The following EIF3H variants were observed in gnomAD, a reference collection of about 807,000 sequenced individuals.
EIF3H encodes the protein eukaryotic translation initiation factor 3 subunit H, also known as eIF-3-gamma.
In EIF3H, 26 loss-of-function variants were observed where a neutral mutation model predicts 44.2. The ratio of observed to expected loss-of-function variants is 0.59; its 90% CI spans 0.43 to 0.82. The LOEUF (loss-of-function observed/expected upper bound fraction) is 0.82, where lower values mean the gene tolerates loss of function less well. EIF3H is among the 40% of genes least tolerant of loss of function. The pLI is 0.00. For missense variants in EIF3H, 359 were observed against 432.8 expected (o/e 0.83, Z 1.51); for synonymous variants, 166 against 151.9 (o/e 1.09, Z -0.68).
intron 1 of EIF3H, among the ~76,000 whole-genome samples, chr8:116,749,112 G>A (rs1815286483): frequency 6.6e-6 from 1 of 152,000 alleles, no homozygotes; most frequent in African/African-American, 2.4e-5. Flanking sequence ...AACTTAAAGG[G>A]GAAAACAAAA....
At chr8:116,741,997 T>C (rs1453917976) in intron 1 of EIF3H, among the ~76,000 whole-genome samples, 1 of 152,190 alleles carries the variant, frequency 6.6e-6, no homozygotes, top group East Asian at 1.9e-4. Flanking sequence ...TAGGGTTCCA[T>C]TTCATAACTG....
chr8:116,730,486 A>G (rs1435187807), intron 1 of EIF3H, among the ~76,000 whole-genome samples: 1 of 152,232 alleles, frequency 6.6e-6, no homozygotes, highest in Admixed American at 6.5e-5. Flanking sequence ...TCACGAAACC[A>G]GTCCCTGGTG....
At chr8:116,726,196 G>A in intron 1 of EIF3H, 24 bp from the exon 2 acceptor site, 2 of 1,588,922 alleles carry the variant, frequency 1.3e-6, no homozygotes, top group Non-Finnish European at 1.7e-6. Context: ...ACACAGAAGG[G>A]AGCTTAACAA....
intron 2 of EIF3H, among the ~76,000 whole-genome samples, chr8:116,696,005 G>A (rs776025993): frequency 8.5e-5 from 13 of 152,202 alleles, no homozygotes; most frequent in Non-Finnish European, 1.8e-4. Context: ...AGATGTAAAT[G>A]TGTTTATCTG....
At chr8:116,721,521 C>A (rs1814746346) in intron 2 of EIF3H, among the ~76,000 whole-genome samples, 1 of 152,172 alleles carries the variant, frequency 6.6e-6, no homozygotes, top group Non-Finnish European at 1.5e-5. Flanking sequence ...TCCTCCAGAC[C>A]CCAGAATGGT....
At chr8:116,681,275 A>C (rs1344532499) in intron 2 of EIF3H, among the ~76,000 whole-genome samples, 1 of 152,142 alleles carries the variant, frequency 6.6e-6, no homozygotes, top group African/African-American at 2.4e-5. Context: ...AGGCACGAGA[A>C]TCACTTGAAC....
intron 1 of EIF3H, among the ~76,000 whole-genome samples, chr8:116,747,599 G>A (rs552603764): frequency 7.9e-4 from 120 of 152,240 alleles, no homozygotes; most frequent in African/African-American, 2.2e-3. Flanking sequence ...GGAAGAAGAG[G>A]CCAAGGGTCA....
At chr8:116,720,353 T>C (rs1814724318) in intron 2 of EIF3H, among the ~76,000 whole-genome samples, 1 of 152,228 alleles carries the variant, frequency 6.6e-6, no homozygotes, top group Non-Finnish European at 1.5e-5. Flanking sequence ...TTAACATGCA[T>C]GTTCATGCTC....
chr8:116,727,018 A>G (rs894823986), intron 1 of EIF3H, among the ~76,000 whole-genome samples: 2 of 152,240 alleles, frequency 1.3e-5, no homozygotes, highest in African/African-American at 4.8e-5. Context: ...CAAAATTGTA[A>G]TGTAAAGTTC....
chr8:116,689,205 T>G (rs1180463520), intron 2 of EIF3H: 3 of 371,884 alleles, frequency 8.1e-6, no homozygotes, highest in Non-Finnish European at 1.7e-5. Flanking sequence ...TAATTCCACT[T>G]ACATGAGTTA....
At chr8:116,664,966 T>C (rs1452349524) in intron 2 of EIF3H, among the ~76,000 whole-genome samples, 1 of 152,168 alleles carries the variant, frequency 6.6e-6, no homozygotes, top group African/African-American at 2.4e-5. Context: ...TGCTAAGTGT[T>C]CCACATATGT....
At chr8:116,649,843 C>A (rs1813360491) in intron 5 of EIF3H, among the ~76,000 whole-genome samples, 1 of 152,152 alleles carries the variant, frequency 6.6e-6, no homozygotes, top group Admixed American at 6.6e-5. Context: ...ATAGCATGAT[C>A]AGAGTATCTC....
At chr8:116,681,183 TA>T (rs11356179) in intron 2 of EIF3H, among the ~76,000 whole-genome samples, 2,218 of 151,374 alleles carry the variant, frequency 0.015, 47 homozygotes, top group African/African-American at 0.05. Context: ...GACAACATGG[TA>T]AAACCCTGTC....
At chr8:116,706,610 C>T (rs1194132835) in intron 2 of EIF3H, among the ~76,000 whole-genome samples, 1 of 152,230 alleles carries the variant, frequency 6.6e-6, no homozygotes, top group Non-Finnish European at 1.5e-5. Flanking sequence ...TCTCAGCTCA[C>T]TGCAACCTCC....
At chr8:116,684,225 G>A (rs1814037040) in intron 2 of EIF3H, among the ~76,000 whole-genome samples, 2 of 152,182 alleles carry the variant, frequency 1.3e-5, no homozygotes, top group Non-Finnish European at 2.9e-5. Flanking sequence ...CCACTGGAGA[G>A]GGCCAAGATG....
intron 1 of EIF3H, among the ~76,000 whole-genome samples, chr8:116,735,961 A>C (rs1295458567): frequency 6.6e-6 from 1 of 152,200 alleles, no homozygotes; most frequent in Non-Finnish European, 1.5e-5. Context: ...TCAGCGCTGA[A>C]AAAGCTTCAC....
chr8:116,756,867 C>T (rs1452439191), upstream of EIF3H, among the ~76,000 whole-genome samples: 1 of 152,142 alleles, frequency 6.6e-6, no homozygotes, highest in Non-Finnish European at 1.5e-5. Context: ...AAGGTTGATC[C>T]TGGTAAAATT....
At chr8:116,728,692 T>C (rs1429926042) in intron 1 of EIF3H, among the ~76,000 whole-genome samples, 1 of 152,128 alleles carries the variant, frequency 6.6e-6, no homozygotes, top group Non-Finnish European at 1.5e-5. Flanking sequence ...CATTCCTGTA[T>C]GAAAGACCTC....
intron 2 of EIF3H, among the ~76,000 whole-genome samples, chr8:116,692,441 A>C (rs969620271): frequency 6.6e-5 from 10 of 152,228 alleles, no homozygotes; most frequent in African/African-American, 2.4e-4. Flanking sequence ...GATAAAGACC[A>C]ATTAAATCTT....
Sources: allele counts gnomAD v4.1 joint callset (sites outside exome capture counted in the v4.1 genomes callset), GRCh38; gene constraint gnomAD v4.1.1; transcripts MANE v1.5; gene names NCBI Gene and HGNC (gene_info 2026-07-23, HGNC 2026-07-21).